ENPP3: variants seen among roughly 807,000 people sequenced by gnomAD.
ENPP3 encodes the protein ectonucleotide pyrophosphatase/phosphodiesterase 3.
ENPP3 carries 104 observed loss-of-function variants against 117.8 expected under a neutral mutation model. That is an observed-to-expected ratio of 0.88 (90% CI 0.75 to 1.04). ENPP3 has a LOEUF of 1.04. Among genes scored for constraint, ENPP3 ranks in the 50% least tolerant of loss-of-function variants. The pLI is 0.00. For synonymous variants in ENPP3, 380 were observed against 349.9 expected, an observed-to-expected ratio of 1.09 and a Z score of -0.96; for missense variants, 1,026 against 1,051.9, an observed-to-expected ratio of 0.98 and a Z score of 0.34.
chr6:131,746,693 C>T (rs956793042), intron 24 of ENPP3, 93 bp from the exon 25 acceptor site: 7 of 1,112,178 alleles, frequency 6.3e-6, no homozygotes, highest in Non-Finnish European at 6.5e-6. Context: ...TAAAAATCAT[C>T]GGCAAAAAGA....
intron 20 of ENPP3, among the ~76,000 whole-genome samples, chr6:131,733,131 C>T (rs1780321521): frequency 6.6e-6 from 1 of 152,128 alleles, no homozygotes; most frequent in African/African-American, 2.4e-5. Context: ...ACTACACCTT[C>T]TTTGAATTAA....
At chr6:131,739,232 A>G (rs1317444893) in intron 23 of ENPP3, among the ~76,000 whole-genome samples, 5 of 152,198 alleles carry the variant, frequency 3.3e-5, no homozygotes, top group African/African-American at 1.2e-4. Flanking sequence ...ATACATTTCT[A>G]TTTATACCAG....
chr6:131,638,142 C>G (rs892557155), intron 1 of ENPP3, among the ~76,000 whole-genome samples: 1 of 152,052 alleles, frequency 6.6e-6, no homozygotes, highest in African/African-American at 2.4e-5. Flanking sequence ...TGTGCTCTGG[C>G]TTTGTTTCTA....
intron 18 of ENPP3, 61 bp from the exon 19 acceptor site, chr6:131,723,979 A>G (rs1780092302): frequency 1.6e-6 from 2 of 1,233,976 alleles, no homozygotes; most frequent in South Asian, 1.2e-5. Flanking sequence ...ATTACCCCTT[A>G]AAACACATAT....
At position 131,724,075 on chromosome 6, in the gene ENPP3, T is replaced by C; in HGVS notation, c.1782T>C (p.Asn594=). The part of the protein sequence containing the change: ...TQLEQVNQML[N]LTQEEITATV... ...TGGAACAAGTGAATCAGATGCTAAA[T>C]CTCACCCAAGAAGAAAGTAAGTCAA... The change falls in exon 19 of 25, where the codon AAT becomes AAC. Residue 594 remains asparagine, a synonymous_variant. Coordinates refer to ENST00000357639, the MANE Select transcript of ENPP3 (RefSeq NM_005021.5). 1.2e-6 allele frequency: 2 copies of C among 1,611,226 alleles called. No homozygotes were observed. Among genetic ancestry groups the C allele is most frequent in the Non-Finnish European group, 1.7e-6 (2 of 1,177,804 alleles).
chr6:131,686,727 A>G (rs746737299), intron 14 of ENPP3, among the ~76,000 whole-genome samples: 3 of 152,122 alleles, frequency 2.0e-5, no homozygotes, highest in Non-Finnish European at 4.4e-5. Flanking sequence ...CGTGTGTTCA[A>G]TGTTTAGCTC....
intron 1 of ENPP3, among the ~76,000 whole-genome samples, chr6:131,638,154 T>C (rs1349354472): frequency 6.6e-6 from 1 of 152,136 alleles, no homozygotes. Context: ...TTGTTTCTAC[T>C]GTACTGAGTC....
intron 20 of ENPP3, among the ~76,000 whole-genome samples, chr6:131,731,041 A>G (rs148117265): frequency 1.3e-5 from 2 of 151,568 alleles, no homozygotes; most frequent in African/African-American, 4.8e-5. Context: ...CATCCTCTAG[A>G]TCTTATTGAG....
At chr6:131,743,126 A>T (rs1192152170) in intron 24 of ENPP3, among the ~76,000 whole-genome samples, 2 of 152,178 alleles carry the variant, frequency 1.3e-5, no homozygotes, top group Non-Finnish European at 2.9e-5. Context: ...TGGGGAAGGG[A>T]AAGGCAAGAT....
At position 131,664,795 on chromosome 6, in the gene ENPP3, G is replaced by T. The variant is rs148545160; in HGVS notation, c.562+6375G>T. Among the ~76,000 whole-genome samples, 1,209 of 152,200 alleles carry T rather than the reference G, an allele frequency of 7.9e-3. 12 individuals are homozygous for T. Among genetic ancestry groups the T allele is most frequent in the African/African-American group, 0.024 (1,011 of 41,516 alleles). On this transcript the variant is annotated intron_variant, in intron 6 of 24. Coordinates refer to ENST00000357639, the MANE Select transcript of ENPP3 (RefSeq NM_005021.5). ...TTTGTACAATAGACTTTACTATATA[G>T]CCTAGGTGCACAGTAGGCTTTACCA...
At chr6:131,675,369 A>G in intron 9 of ENPP3, 180 bp downstream of exon 9, 2 of 564,018 alleles carry the variant, frequency 3.5e-6, no homozygotes, top group Admixed American at 6.2e-5. Flanking sequence ...TTTGGCTGTA[A>G]TTAAAAATCT....
chr6:131,658,797 TAGAC>T (rs954985672), intron 6 of ENPP3, among the ~76,000 whole-genome samples: 3 of 152,176 alleles, frequency 2.0e-5, no homozygotes, highest in Admixed American at 1.3e-4. Context: ...CTGGTGGGCT[TAGAC>T]AGATCCAGCA....
chr6:131,742,856 T>A (rs2114584575), intron 24 of ENPP3, among the ~76,000 whole-genome samples: 1 of 152,286 alleles, frequency 6.6e-6, no homozygotes, highest in Middle Eastern at 3.4e-3. Context: ...AAAGTGCAAA[T>A]AATATGAAGC....
At chr6:131,676,378 T>C in intron 9 of ENPP3, among the ~76,000 whole-genome samples, 1 of 152,206 alleles carries the variant, frequency 6.6e-6, no homozygotes, top group African/African-American at 2.4e-5. Context: ...TCCTCACTGA[T>C]ACATTCTGTT....
At chr6:131,679,365 G>A (rs900394300) in intron 11 of ENPP3, among the ~76,000 whole-genome samples, 4 of 151,994 alleles carry the variant, frequency 2.6e-5, no homozygotes. Context: ...AAAGTGTTGG[G>A]ATTACAGGCA....
intron 11 of ENPP3, 144 bp from the exon 12 acceptor site, chr6:131,682,910 G>A (rs756062278): frequency 2.1e-5 from 13 of 630,182 alleles, no homozygotes; most frequent in Non-Finnish European, 3.4e-5. Flanking sequence ...TGGTAGCATG[G>A]GTGCTAGTGC....
chr6:131,688,558 T>C (rs545717400), intron 14 of ENPP3, among the ~76,000 whole-genome samples: 1 of 152,190 alleles, frequency 6.6e-6, no homozygotes, highest in African/African-American at 2.4e-5. Flanking sequence ...AATAAGAAAG[T>C]GAAACAGCCT....
Position 131,646,870 on chromosome 6 carries a change from A to G in ENPP3, c.155-3157A>G, listed in dbSNP as rs145017394. 2.3e-3 allele frequency among the ~76,000 whole-genome samples: 336 copies of G among 149,012 alleles called. 7 individuals carry two copies. The highest frequency in any genetic ancestry group is 0.02 in the Admixed American group (290 of 14,832). On this transcript the variant is annotated intron_variant, in intron 2 of 24. Transcript: ENST00000357639. ...TCTGCTTCTATCTTCGATTTGATTT[A>G]GAGTATTCATATACTTTTATAAACT...
At chr6:131,658,849 A>G (rs752380311) in intron 6 of ENPP3, among the ~76,000 whole-genome samples, 5 of 152,140 alleles carry the variant, frequency 3.3e-5, no homozygotes, top group Non-Finnish European at 7.4e-5. Context: ...TCCAGGATCT[A>G]TTTCCAGTTC....
Sources: allele counts gnomAD v4.1 joint callset (sites outside exome capture counted in the v4.1 genomes callset), GRCh38; gene constraint gnomAD v4.1.1; transcripts MANE v1.5; gene names NCBI Gene and HGNC (gene_info 2026-07-23, HGNC 2026-07-21).